Variants in PPP2R2C observed in about 807,000 individuals in gnomAD.
The protein encoded by PPP2R2C is protein phosphatase 2 regulatory subunit Bgamma.
Under a neutral mutation model 45.3 loss-of-function variants are expected in PPP2R2C, and 10 were observed. The observed-to-expected ratio is 0.22, with a 90% CI of 0.14 to 0.37. PPP2R2C has a LOEUF of 0.37. PPP2R2C is among the 10% of genes least tolerant of loss of function. PPP2R2C has a pLI of 1.00. For missense variants in PPP2R2C, 308 were observed against 619.7 expected, an observed-to-expected ratio of 0.50 and a Z score of 5.34; for synonymous variants, 257 against 245.4, an observed-to-expected ratio of 1.05 and a Z score of -0.44.
chr4:6,325,510 A>G (rs1366683980), intron 8 of PPP2R2C, among the ~76,000 whole-genome samples: 1 of 152,154 alleles, frequency 6.6e-6, no homozygotes, highest in Non-Finnish European at 1.5e-5. Context: ...TTCTTCAGGG[A>G]ACAGTTCACA....
intron 1 of PPP2R2C, among the ~76,000 whole-genome samples, chr4:6,401,117 A>C (rs114727832): frequency 0.01 from 1,574 of 152,340 alleles, 30 homozygotes; most frequent in African/African-American, 0.036. Flanking sequence ...ATGAACATGA[A>C]AACAAGTCTC....
chr4:6,391,506 C>G (rs1204356713), intron 1 of PPP2R2C, among the ~76,000 whole-genome samples: 2 of 152,246 alleles, frequency 1.3e-5, no homozygotes, highest in African/African-American at 2.4e-5. Context: ...ACCGTAATAG[C>G]AGAGCCGGCA....
intron 1 of PPP2R2C, among the ~76,000 whole-genome samples, chr4:6,395,173 C>T (rs1450037163): frequency 6.6e-6 from 1 of 152,152 alleles, no homozygotes; most frequent in Non-Finnish European, 1.5e-5. Context: ...TTCCATGGCT[C>T]CCCACTGCCC....
chr4:6,362,246 T>G (rs1287020977), intron 5 of PPP2R2C, among the ~76,000 whole-genome samples: 1 of 151,878 alleles, frequency 6.6e-6, no homozygotes, highest in African/African-American at 2.4e-5. Flanking sequence ...GAGTATGAGC[T>G]ATGAGGGTGG....
intron 1 of PPP2R2C, among the ~76,000 whole-genome samples, chr4:6,413,114 G>GCCTGCT (rs1429009231): frequency 6.6e-6 from 1 of 151,964 alleles, no homozygotes; most frequent in African/African-American, 2.4e-5. Context: ...CTTACAGATT[G>GCCTGCT]CCTGCTATTT....
rs556801712 is a variant in PPP2R2C at position 6,451,220 on chromosome 4, G to T, written c.70+20940C>A. ...ATCGTACCCACAGCCACATCCCCCAGTCCCAGCAAAGTGCCTGACACAGTG... is the reference window on the plus strand; with the variant it reads ...ATCGTACCCACAGCCACATCCCCCATTCCCAGCAAAGTGCCTGACACAGTG... On this transcript the variant is annotated intron_variant, in intron 1 of 8. Transcript: ENST00000382599. 5.3e-5 allele frequency among the ~76,000 whole-genome samples: 8 copies of T among 152,194 alleles called. No homozygotes were observed. The South Asian group carries it at 1.7e-3, about 32-fold the overall frequency.
At chr4:6,419,321 G>C (rs570045823) in intron 1 of PPP2R2C, among the ~76,000 whole-genome samples, 1 of 152,132 alleles carries the variant, frequency 6.6e-6, no homozygotes, top group Non-Finnish European at 1.5e-5. Flanking sequence ...AGCTACTCGG[G>C]AGGCTAAGGC....
At chr4:6,376,135 C>T (rs1488629320) in intron 3 of PPP2R2C, among the ~76,000 whole-genome samples, 4 of 152,226 alleles carry the variant, frequency 2.6e-5, no homozygotes, top group Admixed American at 6.5e-5. Flanking sequence ...GGCCAGCCTC[C>T]GCAGTCAGGT....
At chr4:6,388,940 C>T (rs1267059084) in intron 1 of PPP2R2C, among the ~76,000 whole-genome samples, 2 of 152,130 alleles carry the variant, frequency 1.3e-5, no homozygotes, top group African/African-American at 2.4e-5. Flanking sequence ...CTCCAGCCCC[C>T]GAGAACTGGG....
At chr4:6,338,726 C>G (rs542336837) in intron 6 of PPP2R2C, among the ~76,000 whole-genome samples, 2 of 152,138 alleles carry the variant, frequency 1.3e-5, no homozygotes, top group Non-Finnish European at 2.9e-5. Flanking sequence ...TCCTGCTGGG[C>G]CCCTAGGGCA....
At position 6,326,858 on chromosome 4, in the gene PPP2R2C, G is replaced by A. The variant is rs142074394; in HGVS notation, c.1052+2404C>T. Among the ~76,000 whole-genome samples, 1,223 of 152,328 alleles carry A rather than the reference G, an allele frequency of 8.0e-3. 22 individuals are homozygous for A. Among genetic ancestry groups the A allele is most frequent in the African/African-American group, 0.028 (1,179 of 41,582 alleles). ...CGGGCAGCCACCACGCGGCAGCAGCGGCGCTCTGCGGGCCGGACCAACTGT... is the reference window on the plus strand; with the variant it reads ...CGGGCAGCCACCACGCGGCAGCAGCAGCGCTCTGCGGGCCGGACCAACTGT... On this transcript the variant is annotated intron_variant, in intron 8 of 8. Transcript: ENST00000382599.
rs112837677 is a variant in PPP2R2C at position 6,503,079 on chromosome 4, A to G, written c.49+32192T>C. On this transcript the variant is annotated intron_variant, in intron 2 of 9. Transcript: ENST00000506140. ...GCAACTCTCCTTAAACTAATGTCCA[A>G]ATCTTCCAATCCATGCCACTGCTGC... is the stretch of plus-strand genomic sequence containing the variant. Among the ~76,000 whole-genome samples, 1,241 of 152,102 alleles carry G rather than the reference A, an allele frequency of 8.2e-3. 22 individuals are homozygous for G. The highest frequency in any genetic ancestry group is 0.029 in the African/African-American group (1,189 of 41,462).
At chr4:6,392,949 C>T (rs540460546) in intron 1 of PPP2R2C, among the ~76,000 whole-genome samples, 1 of 152,344 alleles carries the variant, frequency 6.6e-6, no homozygotes, top group South Asian at 2.1e-4. Context: ...CACCCCTCAT[C>T]TGCCTTATAT....
At chr4:6,388,987 T>C (rs1716418725) in intron 1 of PPP2R2C, among the ~76,000 whole-genome samples, 1 of 151,644 alleles carries the variant, frequency 6.6e-6, no homozygotes, top group Non-Finnish European at 1.5e-5. Context: ...GGCTTTCTTC[T>C]CCACGTGCCA....
chr4:6,551,971 G>A (rs1328706926), intron 1 of PPP2R2C, among the ~76,000 whole-genome samples: 1 of 152,236 alleles, frequency 6.6e-6, no homozygotes, highest in East Asian at 1.9e-4. Context: ...TAACTGGAGA[G>A]AAAGTGGAGA....
intron 1 of PPP2R2C, among the ~76,000 whole-genome samples, chr4:6,434,362 T>TTTC (rs1553898705): frequency 7.2e-6 from 1 of 138,092 alleles, no homozygotes; most frequent in Non-Finnish European, 1.6e-5. Context: ...TTCTTTTCTT[T>TTTC]TTTTTTTTTT....
chr4:6,358,902 A>G (rs371311387), intron 5 of PPP2R2C, among the ~76,000 whole-genome samples: 1 of 152,356 alleles, frequency 6.6e-6, no homozygotes, highest in South Asian at 2.1e-4. Flanking sequence ...TGGTGGGACT[A>G]TAAACTAGTT....
intron 1 of PPP2R2C, among the ~76,000 whole-genome samples, chr4:6,432,323 G>A (rs1303608283): frequency 2.6e-5 from 4 of 152,210 alleles, no homozygotes; most frequent in African/African-American, 9.7e-5. Flanking sequence ...GCCTTCTGGG[G>A]CTCACAGTGG....
intron 1 of PPP2R2C, among the ~76,000 whole-genome samples, chr4:6,434,398 AC>A (rs1372221451): frequency 8.4e-6 from 1 of 118,858 alleles, no homozygotes; most frequent in Admixed American, 1.2e-4. Context: ...TCACACTGTC[AC>A]CCAGGCTAGA....
Sources: gnomAD v4.1 joint callset for allele counts (sites outside exome capture counted in the v4.1 genomes callset) on GRCh38, gnomAD v4.1.1 for gene constraint, MANE v1.5 for transcripts, NCBI Gene and HGNC (gene_info 2026-07-23, HGNC 2026-07-21) for gene names.